Variants in GRIN1 observed in about 807,000 individuals in gnomAD.
The protein encoded by GRIN1 is glutamate receptor ionotropic, NMDA 1.
A neutral mutation model predicts 103.0 loss-of-function variants in GRIN1; 38 were observed. The observed-to-expected ratio is 0.37, with a 90% CI of 0.28 to 0.48. GRIN1 has a LOEUF of 0.48. Ranked by LOEUF, GRIN1 falls within the 20% of genes least tolerant of loss-of-function variation. The pLI is 0.98. For missense variants in GRIN1, 577 were observed against 1,288.9 expected (o/e 0.45, Z 8.46); for synonymous variants, 544 against 532.7 (o/e 1.02, Z -0.29).
rs115451376 is a variant in GRIN1, at chr9:137,164,436, G to A, written c.2589+532G>A. ...GCAAGGGCAGCCACGGCCCACCTGG[G>A]ACAGGGTGGGCAGTGGGCCTGTACA... On this transcript the variant is annotated intron_variant, in intron 18 of 19. Coordinates refer to ENST00000371561, the MANE Select transcript of GRIN1 (RefSeq NM_007327.4). 989 of 225,182 alleles carry A rather than the reference G, an allele frequency of 4.4e-3. 7 individuals are homozygous for A. Among genetic ancestry groups the A allele is most frequent in the African/African-American group, 0.021 (906 of 43,146 alleles). 13.9% of individuals were successfully genotyped at this position (225,182 alleles called of 1,614,324 possible). A position where few individuals can be genotyped will look rare whatever the true frequency, so the allele number is the denominator to read the frequency against.
chr9:137,144,382 C>G (rs28588536), intron 2 of GRIN1, among the ~76,000 whole-genome samples: 4 of 149,668 alleles, frequency 2.7e-5, no homozygotes, highest in Non-Finnish European at 4.5e-5. Context: ...TGGCCGGGCG[C>G]GGTGGCTCAC....
chr9:137,153,517 A>G (rs960856946), intron 4 of GRIN1, among the ~76,000 whole-genome samples: 2 of 152,116 alleles, frequency 1.3e-5, no homozygotes, highest in Non-Finnish European at 2.9e-5. Flanking sequence ...ACATGTGCAC[A>G]CATGCCATAT....
rs375940647 is a variant in GRIN1 at position 137,157,070 on chromosome 9, T to C, written c.968+33T>C. ...GGGCCTCCCCGGAGCTGGGCGGGGC[T>C]GCTCTTGGGGAGGTGGGCGGGGTCA... On this transcript the variant is annotated intron_variant, in intron 6 of 19. Coordinates refer to ENST00000371561, the MANE Select transcript of GRIN1 (RefSeq NM_007327.4). The C allele has an allele frequency of 1.3e-5, 15 of 1,189,178 alleles. No homozygotes were observed. In the South Asian group the frequency reaches 1.7e-4, roughly 14 times the overall value. The allele number at this position is 1,189,178 out of a possible 1,614,324, so 73.7% of individuals were successfully genotyped here. A position where few individuals can be genotyped will look rare whatever the true frequency, so the allele number is the denominator to read the frequency against.
chr9:137,141,410 C>G (rs1240119285), intron 1 of GRIN1, among the ~76,000 whole-genome samples: 3 of 152,192 alleles, frequency 2.0e-5, no homozygotes, highest in Non-Finnish European at 4.4e-5. Flanking sequence ...GGCTGCACCC[C>G]CAATGCCTCC....
intron 2 of GRIN1, among the ~76,000 whole-genome samples, chr9:137,144,603 C>G (rs558710661): frequency 1.3e-5 from 2 of 148,510 alleles, no homozygotes; most frequent in Non-Finnish European, 3.0e-5. Flanking sequence ...TGCAGTGAGC[C>G]GAGATTGCAC....
At chr9:137,161,462 A>C (rs1194296780) in intron 10 of GRIN1, 46 bp downstream of exon 10, 1 of 1,309,096 alleles carries the variant, frequency 7.6e-7, no homozygotes. Context: ...AGGGGCCTGC[A>C]GGCGCGGTCG....
chr9:137,167,464 G>A lies in GRIN1; in HGVS notation c.2754G>A (p.Pro918=). 6.4e-7 allele frequency: 1 copy of A among 1,560,068 alleles called. No individual in the cohort carries two copies. The highest frequency in any genetic ancestry group is 8.7e-7 in the Non-Finnish European group (1 of 1,152,054). The stretch of plus-strand genomic sequence containing the variant: ...AAAACCAAAAAGACACAGTGCTGCC[G>A]CGACGCGCTATTGAGAGGGAGGAGG... ...ALQNQKDTVL[P]RRAIEREEGQ... is the part of the protein sequence containing the mutation. Residue 918 remains proline, a synonymous_variant, in exon 20 of 20, where the codon CCG becomes CCA. Coordinates refer to ENST00000371561, the MANE Select transcript of GRIN1 (RefSeq NM_007327.4).
chr9:137,152,791 GT>G (rs1165704025), intron 4 of GRIN1, among the ~76,000 whole-genome samples: 1 of 152,066 alleles, frequency 6.6e-6, no homozygotes, highest in Non-Finnish European at 1.5e-5. Flanking sequence ...CACCACATGT[GT>G]ATGCACATAC....
At chr9:137,166,128 G>A (rs1833866203) in intron 19 of GRIN1, among the ~76,000 whole-genome samples, 1 of 152,184 alleles carries the variant, frequency 6.6e-6, no homozygotes, top group African/African-American at 2.4e-5. Flanking sequence ...ACGACACTGA[G>A]GTTCCCAGAC....
At chr9:137,166,784 G>A (rs1444871555) in intron 19 of GRIN1, among the ~76,000 whole-genome samples, 2 of 152,258 alleles carry the variant, frequency 1.3e-5, no homozygotes, top group East Asian at 1.9e-4. Flanking sequence ...AGCTGATGCT[G>A]CAAAGTCTGA....
chr9:137,141,168 G>A (rs546785726), intron 1 of GRIN1, among the ~76,000 whole-genome samples: 2 of 152,330 alleles, frequency 1.3e-5, no homozygotes, highest in African/African-American at 4.8e-5. Flanking sequence ...GCCAGGTACT[G>A]TCCTGCCACG....
chr9:137,151,655 C>A (rs546907115), intron 4 of GRIN1, among the ~76,000 whole-genome samples: 31 of 152,310 alleles, frequency 2.0e-4, no homozygotes, highest in Admixed American at 1.9e-3. Context: ...GCCAGACTCT[C>A]AGAAGTTAAT....
chr9:137,161,519 T>A, intron 10 of GRIN1, 103 bp downstream of exon 10: 11 of 619,220 alleles, frequency 1.8e-5, no homozygotes, highest in Non-Finnish European at 2.6e-5. Flanking sequence ...TGGTGGGGGG[T>A]CCTGGGGTGA....
chr9:137,160,591 G>C (rs931506414), intron 8 of GRIN1, among the ~76,000 whole-genome samples: 1 of 152,112 alleles, frequency 6.6e-6, no homozygotes, highest in Non-Finnish European at 1.5e-5. Flanking sequence ...CACCACGCCC[G>C]GCTAATTTTT....
chr9:137,141,995 T>C lies in GRIN1; in HGVS notation c.259-18T>C, dbSNP rs375499059. On this transcript the variant is annotated intron_variant, in intron 1 of 19. Coordinates refer to ENST00000371561, the MANE Select transcript of GRIN1 (RefSeq NM_007327.4). ...GCTCACCCCTGACTCAAGCTGATCA[T>C]GTCTCCTGTGTCCACAGGTCTACGC... 12 of 1,613,944 alleles carry C rather than the reference T, an allele frequency of 7.4e-6. No individual in the cohort carries two copies. The African/African-American group carries it at 8.0e-5, about 11-fold the overall frequency.
intron 19 of GRIN1, 82 bp downstream of exon 19, chr9:137,165,378 C>G: frequency 2.2e-6 from 2 of 903,828 alleles, no homozygotes; most frequent in Non-Finnish European, 3.7e-6. Context: ...CACCCCGCCC[C>G]GGACCCTGGG....
At chr9:137,155,952 G>A (rs2131268553) in intron 4 of GRIN1, among the ~76,000 whole-genome samples, 1 of 152,346 alleles carries the variant, frequency 6.6e-6, no homozygotes, top group African/African-American at 2.4e-5. Flanking sequence ...GCCGTCCCCA[G>A]GACGCTGGAT....
chr9:137,161,129 T>C lies in GRIN1; in HGVS notation c.1271T>C (p.Phe424Ser), dbSNP rs1236518931. 1 of 1,612,628 alleles carries C rather than the reference T, an allele frequency of 6.2e-7. No homozygotes were observed. The highest frequency in any genetic ancestry group is 1.3e-5 in the African/African-American group (1 of 74,934). ...TLSDGTCKEE[F>S]TVNGDPVKKV... ...AGTGATGGGACATGCAAGGAGGAGTTCACAGTCAACGGCGACCCAGTCAAG... is the reference window on the plus strand; with the variant it reads ...AGTGATGGGACATGCAAGGAGGAGTCCACAGTCAACGGCGACCCAGTCAAG... The change falls in exon 9 of 20, where the codon TTC becomes TCC. Residue 424 changes from phenylalanine (F) to serine (S), a missense_variant. Around this residue, in one of 9 missense-constraint regions of GRIN1, gnomAD observed 96 missense variants for 145.0 expected, o/e 0.66. Coordinates refer to ENST00000371561, the MANE Select transcript of GRIN1 (RefSeq NM_007327.4).
intron 2 of GRIN1, among the ~76,000 whole-genome samples, chr9:137,144,787 TG>T (rs1832414734): frequency 3.4e-4 from 2 of 5,926 alleles, no homozygotes; most frequent in Non-Finnish European, 6.6e-4. Context: ...GTCCCCAGGG[TG>T]GTAGGGACAG....
Sources: allele counts gnomAD v4.1 joint callset (sites outside exome capture counted in the v4.1 genomes callset), GRCh38; gene constraint gnomAD v4.1.1; regional missense constraint gnomAD v4.1.1; transcripts MANE v1.5; gene names NCBI Gene and HGNC (gene_info 2026-07-23, HGNC 2026-07-21).